ADGRL1: variants seen among roughly 807,000 people sequenced by gnomAD.
ADGRL1 encodes the protein adhesion G protein-coupled receptor L1.
ADGRL1 carries 31 observed loss-of-function variants against 148.9 expected under a neutral mutation model. The ratio of observed to expected loss-of-function variants is 0.21; its 90% confidence interval spans 0.16 to 0.28. ADGRL1 has a LOEUF of 0.28. Among genes scored for constraint, ADGRL1 ranks in the 10% least tolerant of loss-of-function variants. The pLI, the probability that ADGRL1 is intolerant of heterozygous loss-of-function variation, is 1.00. For synonymous variants in ADGRL1, 937 were observed against 900.3 expected, an observed-to-expected ratio of 1.04 and a Z score of -0.73; for missense variants, 1,521 against 2,058.8, an observed-to-expected ratio of 0.74 and a Z score of 5.05.
At position 14,157,916 on chromosome 19, in the gene ADGRL1, G is replaced by C; in HGVS notation, c.2501C>G (p.Thr834Ser). ...THTTCACSHL[T>S]NFAVLMAHRE... ...GTGAGCCATGAGCACAGCGAAGTTG[G>C]TGAGGTGGCTGCAGGCACACGTGGT... is the stretch of plus-strand genomic sequence containing the variant. Residue 834 changes from threonine (T) to serine (S), a missense_variant, in exon 13 of 23, where the codon ACC becomes AGC. Around this residue, in one of 8 missense-constraint regions of ADGRL1, gnomAD observed 265 missense variants for 431.9 expected, o/e 0.61. Transcript: ENST00000361434. The surrounding 1 kb of genome is among the most constrained non-coding windows in gnomAD (Gnocchi z 7.5). 6.2e-7 allele frequency: 1 copy of C among 1,614,218 alleles called. No individual in the cohort carries two copies. The highest frequency in any genetic ancestry group is 1.7e-5 in the Admixed American group (1 of 60,024).
intron 4 of ADGRL1, 91 bp from the exon 5 acceptor site, chr19:14,163,497 A>AGAGAGGGG: frequency 1.4e-6 from 1 of 717,174 alleles, no homozygotes; most frequent in African/African-American, 2.1e-5. Context: ...AGAGAGAGAG[A>AGAGAGGGG]GGGGGGAGAG....
Position 14,159,369 on chromosome 19 carries a change from C to CT in ADGRL1, c.2023+31dup, listed in dbSNP as rs776589900. 6.9e-6 allele frequency: 11 copies of CT among 1,585,952 alleles called. No homozygotes were observed. The highest frequency in any genetic ancestry group is 9.5e-6 in the Non-Finnish European group (11 of 1,162,246). On this transcript the variant is annotated intron_variant, in intron 10 of 22. Transcript: ENST00000361434. The surrounding 1 kb of genome is among the most constrained non-coding windows in gnomAD (Gnocchi z 6.0). ...GAACCCCGTGGTTTAAGGTTCGTAT[C>CT]TGAGTTTGCCCTGGGTGACTGTGGC...
rs1395523213 is a variant in ADGRL1 at position 14,157,454 on chromosome 19, C to T, written c.2542G>A (p.Gly848Ser). Residue 848 changes from glycine to serine, a missense_variant, in exon 14 of 23, where the codon GGC (glycine) becomes AGC (serine). This residue lies in a region of ADGRL1 where 265 missense variants were observed against 431.9 expected (regional missense o/e 0.61). Coordinates refer to ENST00000361434, the MANE Select transcript of ADGRL1 (RefSeq NM_014921.5). The surrounding 1 kb of genome is among the most constrained non-coding windows in gnomAD (Gnocchi z 7.5). ...VLMAHREIYQ[G>S]RINELLLSVI... ...GACAGCAGCAGCTCGTTGATGCGGC[C>T]CTGGTACTGGGGACAGGAACAGGGG... 1.2e-6 allele frequency: 2 copies of T among 1,613,960 alleles called. No homozygotes were observed. The highest frequency in any genetic ancestry group is 1.1e-5 in the South Asian group (1 of 91,082).
intron 22 of ADGRL1, 150 bp downstream of exon 22, chr19:14,151,983 C>A: frequency 1.3e-6 from 1 of 755,814 alleles, no homozygotes; most frequent in East Asian, 2.7e-5. Flanking sequence ...ATCCTCCATT[C>A]GGCTGCCAGA....
At chr19:14,190,571 C>T (rs1476305201) in intron 1 of ADGRL1, among the ~76,000 whole-genome samples, 3 of 151,342 alleles carry the variant, frequency 2.0e-5, no homozygotes, top group Non-Finnish European at 4.4e-5. Flanking sequence ...CTGGTTAAAA[C>T]GTGTTTATCT....
rs1969232158 is a variant in ADGRL1 at position 14,160,386 on chromosome 19, CCTAT to C, written c.1615-93_1615-90del. 4.8e-6 allele frequency: 6 copies of C among 1,244,774 alleles called. No individual in the cohort carries two copies. The highest frequency in any genetic ancestry group is 3.0e-5 in the African/African-American group (2 of 66,678). The allele number at this position is 1,244,774 out of a possible 1,614,324, so 77.1% of individuals were successfully genotyped here. A position where few individuals can be genotyped will look rare whatever the true frequency, so the allele number is the denominator to read the frequency against. Reference sequence around the variant, plus strand: ...GGCTTCCCTGGCCTGTGCAGCCTCTCCTATCTCTCTCTCCACTTCCCCATCGCCA... The same window carrying C: ...GGCTTCCCTGGCCTGTGCAGCCTCTCCTCTCTCTCCACTTCCCCATCGCCA... On this transcript the variant is annotated intron_variant, in intron 7 of 22. Transcript: ENST00000361434. This position sits in a 1 kb window ranked among gnomAD's most constrained non-coding sequence, Gnocchi z 5.9.
At chr19:14,201,508 C>T (rs1972612664) in intron 1 of ADGRL1, among the ~76,000 whole-genome samples, 1 of 151,484 alleles carries the variant, frequency 6.6e-6, no homozygotes, top group South Asian at 2.1e-4. Flanking sequence ...CCTCAAACCT[C>T]TGGGCTCAAG....
chr19:14,157,067 G>A lies in ADGRL1; in HGVS notation c.2824C>T (p.His942Tyr), dbSNP rs1478089139. The A allele has an allele frequency of 3.7e-6, 6 of 1,613,974 alleles. No homozygotes were observed. Among genetic ancestry groups the A allele is most frequent in the Non-Finnish European group, 5.1e-6 (6 of 1,180,012 alleles). Residue 942 changes from histidine to tyrosine, a missense_variant, in exon 15 of 23, where the codon CAC (histidine) becomes TAC (tyrosine). Around this residue, in one of 8 missense-constraint regions of ADGRL1, gnomAD observed 26 missense variants for 75.0 expected, o/e 0.35. Coordinates refer to ENST00000361434, the MANE Select transcript of ADGRL1 (RefSeq NM_014921.5). This position sits in a 1 kb window ranked among gnomAD's most constrained non-coding sequence, Gnocchi z 7.5. ...ACCTCCACTAGTAGCAGGTAGAGGT[G>A]CACGCCCTCCAGGCACAGCCAGGAG... is the stretch of plus-strand genomic sequence containing the variant. ...AFSWLCLEGV[H>Y]LYLLLVEVFE... is the part of the protein sequence containing the mutation.
intron 3 of ADGRL1, among the ~76,000 whole-genome samples, chr19:14,173,050 C>T (rs74183061): frequency 0.014 from 2,082 of 152,264 alleles, 20 homozygotes; most frequent in Non-Finnish European, 0.02. Context: ...GCCTCGGCCT[C>T]CCAGGCTCAA....
At chr19:14,203,760 C>T (rs1204311951) in intron 1 of ADGRL1, among the ~76,000 whole-genome samples, 3 of 152,208 alleles carry the variant, frequency 2.0e-5, no homozygotes, top group Non-Finnish European at 4.4e-5. Context: ...CCCATCCTCC[C>T]CAAGCCTGGG....
Position 14,159,435 on chromosome 19 carries a change from C to T in ADGRL1, c.1989G>A (p.Glu663=). 6.2e-7 allele frequency: 1 copy of T among 1,612,500 alleles called. No individual in the cohort carries two copies. The change falls in exon 10 of 23, where the codon GAG becomes GAA. Residue 663 remains glutamate, a synonymous_variant. Transcript: ENST00000361434. This position sits in a 1 kb window ranked among gnomAD's most constrained non-coding sequence, Gnocchi z 6.0. The part of the protein sequence containing the change: ...GAFLLADNVR[E]PARFLAAKEN... Reference sequence around the variant, plus strand: ...CCTTGGCAGCCAGGAAGCGGGCAGGCTCCCTGACATTGTCGGCCAGCAGGA... The same window carrying T: ...CCTTGGCAGCCAGGAAGCGGGCAGGTTCCCTGACATTGTCGGCCAGCAGGA...
chr19:14,198,175 G>T (rs74183064), intron 1 of ADGRL1, among the ~76,000 whole-genome samples: 1 of 150,108 alleles, frequency 6.7e-6, no homozygotes, highest in East Asian at 1.9e-4. Flanking sequence ...CGGCTGGGGA[G>T]GGGGGTCACA....
chr19:14,187,980 A>T (rs958656883), intron 1 of ADGRL1, among the ~76,000 whole-genome samples: 1 of 152,042 alleles, frequency 6.6e-6, no homozygotes, highest in Non-Finnish European at 1.5e-5. Context: ...CTGTGATCCC[A>T]GTGCTTTGGG....
At chr19:14,172,626 G>A (rs1970554495) in intron 3 of ADGRL1, among the ~76,000 whole-genome samples, 1 of 152,140 alleles carries the variant, frequency 6.6e-6, no homozygotes, top group African/African-American at 2.4e-5. Flanking sequence ...GGTAATCCCA[G>A]CTACTCGGGA....
At position 14,167,900 on chromosome 19, in the gene ADGRL1, G is replaced by A. The variant is rs574263080; in HGVS notation, c.394+2782C>T. ...CAGGGCCCGGGGGCCCAGGAGCTGG[G>A]AGCTCCGCCCTGCCCGCTGCCCTGC... On this transcript the variant is annotated intron_variant, in intron 4 of 22. Coordinates refer to ENST00000361434, the MANE Select transcript of ADGRL1 (RefSeq NM_014921.5). Among the ~76,000 whole-genome samples, 123 of 152,038 alleles carry A rather than the reference G, an allele frequency of 8.1e-4. 1 individual carries two copies. Among genetic ancestry groups the A allele is most frequent in the African/African-American group, 2.8e-3 (116 of 41,490 alleles).
chr19:14,156,133 G>T lies in ADGRL1; in HGVS notation c.3102C>A (p.Asp1034Glu). The T allele has an allele frequency of 6.2e-7, 1 of 1,612,628 alleles. No individual in the cohort carries two copies. Among genetic ancestry groups the T allele is most frequent in the Non-Finnish European group, 8.5e-7 (1 of 1,179,774 alleles). Residue 1034 changes from aspartate (D) to glutamate (E), a missense_variant, in exon 17 of 23, where the codon GAC (aspartate) becomes GAA (glutamate). By Grantham distance (45) the Asp-to-Glu change is conservative. Transcript: ENST00000361434. ...ACTTAATGTTGTCCAGGCGGCTGGA[G>T]TCGGGCTTGAGCACAGATGAGCTTC... ...MIRSSSVLKP[D>E]SSRLDNIKSW...
intron 1 of ADGRL1, among the ~76,000 whole-genome samples, chr19:14,186,389 G>A (rs140036821): frequency 5.3e-5 from 8 of 152,222 alleles, no homozygotes; most frequent in African/African-American, 1.7e-4. Context: ...GAATAGGCCT[G>A]GCACGTGGCA....
chr19:14,185,457 C>T (rs1971523878), intron 1 of ADGRL1, among the ~76,000 whole-genome samples: 1 of 152,190 alleles, frequency 6.6e-6, no homozygotes, highest in African/African-American at 2.4e-5. Context: ...CCACGCCCAG[C>T]TAATTTTAAA....
At chr19:14,177,836 G>C (rs983089489) in intron 2 of ADGRL1, 92 bp from the exon 3 acceptor site, 2 of 1,198,806 alleles carry the variant, frequency 1.7e-6, no homozygotes, top group African/African-American at 3.0e-5. Context: ...CCTCTGGCTC[G>C]GCTGTGTCCT....
Sources: allele counts gnomAD v4.1 joint callset (sites outside exome capture counted in the v4.1 genomes callset), GRCh38; gene constraint gnomAD v4.1.1; regional missense constraint gnomAD v4.1.1; non-coding constraint Gnocchi (gnomAD v3.1); transcripts MANE v1.5; gene names NCBI Gene and HGNC (gene_info 2026-07-23, HGNC 2026-07-21).